Variants in INPP4B observed in about 807,000 individuals in gnomAD.
INPP4B encodes inositol polyphosphate 4-phosphatase type II.
In INPP4B, 55 loss-of-function variants were observed where a neutral mutation model predicts 122.5. That is an observed-to-expected ratio of 0.45 (90% CI 0.36 to 0.56). The LOEUF (loss-of-function observed/expected upper bound fraction) is 0.56, where lower values mean the gene tolerates loss of function less well. Among genes scored for constraint, INPP4B ranks in the 20% least tolerant of loss-of-function variants. INPP4B has a pLI of 0.00. For synonymous variants in INPP4B, 403 were observed against 388.7 expected (o/e 1.04, Z -0.43); for missense variants, 1,000 against 1,097.7 (o/e 0.91, Z 1.26).
intron 3 of INPP4B, among the ~76,000 whole-genome samples, chr4:142,453,607 G>A (rs1234915676): frequency 1.3e-5 from 2 of 151,958 alleles, no homozygotes; most frequent in African/African-American, 2.4e-5. Context: ...AGTGCCTGAG[G>A]TTATCTGCAA....
At chr4:142,208,831 T>A (rs1843635082) in intron 13 of INPP4B, 65 bp downstream of exon 13, 2 of 1,207,486 alleles carry the variant, frequency 1.7e-6, no homozygotes, top group Non-Finnish European at 2.2e-6. Flanking sequence ...TTTATTATTT[T>A]TTTTTTCATT....
chr4:142,779,624 G>C (rs76400020), intron 1 of INPP4B, among the ~76,000 whole-genome samples: 1 of 151,870 alleles, frequency 6.6e-6, no homozygotes. Context: ...CCTTCATTCC[G>C]TGTTTATAAC....
intron 2 of INPP4B, among the ~76,000 whole-genome samples, chr4:142,721,413 G>A (rs1268723006): frequency 1.3e-5 from 2 of 152,294 alleles, no homozygotes; most frequent in South Asian, 2.1e-4. Context: ...GATGTATGGA[G>A]TGGCACAAAG....
intron 12 of INPP4B, among the ~76,000 whole-genome samples, chr4:142,235,237 T>C (rs547881443): frequency 1.3e-5 from 2 of 152,170 alleles, no homozygotes; most frequent in South Asian, 2.1e-4. Context: ...TCTATATCTT[T>C]ACTCTTTCGT....
intron 2 of INPP4B, among the ~76,000 whole-genome samples, chr4:142,556,213 G>A (rs1729132977): frequency 6.6e-6 from 1 of 152,160 alleles, no homozygotes; most frequent in Non-Finnish European, 1.5e-5. Flanking sequence ...CTGAGCATGA[G>A]TCACATGAGT....
At chr4:142,101,392 C>T (rs1325848995) in intron 23 of INPP4B, among the ~76,000 whole-genome samples, 1 of 152,070 alleles carries the variant, frequency 6.6e-6, no homozygotes, top group Admixed American at 6.6e-5. Context: ...CAAATCACCA[C>T]TATGAAGGAA....
At chr4:142,077,802 T>C (rs1034598087) in intron 25 of INPP4B, among the ~76,000 whole-genome samples, 4 of 152,062 alleles carry the variant, frequency 2.6e-5, no homozygotes, top group Middle Eastern at 3.4e-3. Context: ...AAGGGAAGGA[T>C]AGACATACCA....
intron 2 of INPP4B, among the ~76,000 whole-genome samples, chr4:142,486,870 C>G (rs1821264372): frequency 6.6e-6 from 1 of 152,066 alleles, no homozygotes; most frequent in South Asian, 2.1e-4. Flanking sequence ...GCCTTGATGC[C>G]TATGCAAAAA....
intron 2 of INPP4B, among the ~76,000 whole-genome samples, chr4:142,712,890 G>C (rs1763285637): frequency 6.6e-6 from 1 of 152,110 alleles, no homozygotes; most frequent in Non-Finnish European, 1.5e-5. Context: ...TTACAGATGA[G>C]GAAAATAAGA....
intron 7 of INPP4B, among the ~76,000 whole-genome samples, chr4:142,362,932 A>G (rs1214403939): frequency 6.6e-6 from 1 of 152,014 alleles, no homozygotes; most frequent in Non-Finnish European, 1.5e-5. Flanking sequence ...CCCAAATCTC[A>G]GCCTCATGCA....
intron 21 of INPP4B, among the ~76,000 whole-genome samples, 194 bp from the exon 22 acceptor site, chr4:142,112,876 G>T (rs12498546): frequency 1.3e-5 from 2 of 151,812 alleles, no homozygotes; most frequent in South Asian, 2.1e-4. Context: ...ATTCATTTAC[G>T]TGTGTGATTT....
At chr4:142,535,028 T>C (rs1406379548) in intron 2 of INPP4B, among the ~76,000 whole-genome samples, 2 of 152,156 alleles carry the variant, frequency 1.3e-5, no homozygotes, top group Admixed American at 1.3e-4. Flanking sequence ...ATATTAACAA[T>C]ATCTGAAATA....
intron 2 of INPP4B, among the ~76,000 whole-genome samples, chr4:142,654,285 G>A (rs1377843125): frequency 6.6e-6 from 1 of 150,766 alleles, no homozygotes; most frequent in African/African-American, 2.4e-5. Flanking sequence ...ACGAGTTGAT[G>A]GGTGCAGCAA....
At chr4:142,451,072 G>T (rs978286973) in intron 3 of INPP4B, among the ~76,000 whole-genome samples, 1 of 151,472 alleles carries the variant, frequency 6.6e-6, no homozygotes, top group Non-Finnish European at 1.5e-5. Flanking sequence ...CACGATAGGT[G>T]TATTTATGAT....
At chr4:142,116,356 T>C (rs569332859) in intron 21 of INPP4B, among the ~76,000 whole-genome samples, 3 of 152,246 alleles carry the variant, frequency 2.0e-5, no homozygotes, top group Non-Finnish European at 2.9e-5. Flanking sequence ...CAACAGAATA[T>C]ACATTCTTCT....
intron 15 of INPP4B, among the ~76,000 whole-genome samples, chr4:142,190,924 A>T (rs554563481): frequency 3.9e-4 from 59 of 152,256 alleles, no homozygotes; most frequent in African/African-American, 1.3e-3. Context: ...TATTTCACAT[A>T]CTGATGCTTT....
chr4:142,606,328 T>C (rs1741259224), intron 2 of INPP4B, among the ~76,000 whole-genome samples: 1 of 151,888 alleles, frequency 6.6e-6, no homozygotes, highest in South Asian at 2.1e-4. Flanking sequence ...TAAGTTCAAA[T>C]GTTTGACAGC....
chr4:142,796,536 GTAAAAAAGTCTGTCTGCAGAAAGGC>G (rs1777253812), intron 1 of INPP4B, among the ~76,000 whole-genome samples: 1 of 151,886 alleles, frequency 6.6e-6, no homozygotes, highest in African/African-American at 2.4e-5. Flanking sequence ...CAGAGAAGAG[GTAAAAAAGTCTGTCTGCAGAAAGGC>G]TACCCATGGA....
At chr4:142,540,511 A>G (rs1266664221) in intron 2 of INPP4B, among the ~76,000 whole-genome samples, 1 of 152,114 alleles carries the variant, frequency 6.6e-6, no homozygotes, top group East Asian at 1.9e-4. Context: ...CATTGAGCTT[A>G]CCCTCATTTC....
Sources: gnomAD v4.1 joint callset for allele counts (sites outside exome capture counted in the v4.1 genomes callset) on GRCh38, gnomAD v4.1.1 for gene constraint, MANE v1.5 for transcripts, NCBI Gene and HGNC (gene_info 2026-07-23, HGNC 2026-07-21) for gene names.